The following EP400 variants were observed in gnomAD, a reference collection of about 807,000 sequenced individuals.
The protein encoded by EP400 is E1A-binding protein p400.
A neutral mutation model predicts 354.1 loss-of-function variants in EP400; 105 were observed. The observed-to-expected ratio is 0.30, with a 90% CI of 0.25 to 0.35. The LOEUF (loss-of-function observed/expected upper bound fraction) is 0.35, where lower values mean the gene tolerates loss of function less well. Ranked by LOEUF, EP400 falls within the 10% of genes least tolerant of loss-of-function variation. The pLI, the probability that EP400 is intolerant of heterozygous loss-of-function variation, is 1.00. For synonymous variants in EP400, 1,646 were observed against 1,716.9 expected, an observed-to-expected ratio of 0.96 and a Z score of 1.02; for missense variants, 3,280 against 4,121.0, an observed-to-expected ratio of 0.80 and a Z score of 5.59.
Position 132,028,208 on chromosome 12 carries a change from C to A in EP400, c.5301C>A (p.Tyr1767Ter), listed in dbSNP as rs1342073046. The A allele has an allele frequency of 1.2e-6, 2 of 1,614,074 alleles. No individual in the cohort carries two copies. Among genetic ancestry groups the A allele is most frequent in the African/African-American group, 1.3e-5 (1 of 74,916 alleles). Residue 1767 changes from tyrosine to a stop codon, truncating the protein, a stop_gained, in exon 27 of 53, where the codon TAC (tyrosine) becomes TAA (stop). Coordinates refer to ENST00000389561, the MANE Select transcript of EP400 (RefSeq NM_015409.5). LOFTEE classifies it high-confidence loss of function. The stretch of plus-strand genomic sequence containing the variant: ...AGGAGGCCGGGCCAGCGCACAGTTA[C>A]ACTTCATCCTCAGAAAGTCCAAGTG... The part of the protein sequence containing the change: ...RGKEAGPAHS[Y>*]TSSSESPSEL...
chr12:132,044,401 T>A, intron 35 of EP400, 90 bp downstream of exon 35: 4 of 1,493,522 alleles, frequency 2.7e-6, no homozygotes, highest in Non-Finnish European at 3.6e-6. Flanking sequence ...TCTGTGTACA[T>A]TGACATGAGA....
intron 2 of EP400, among the ~76,000 whole-genome samples, chr12:131,979,296 C>T (rs1376730632): frequency 6.6e-6 from 1 of 151,902 alleles, no homozygotes; most frequent in Non-Finnish European, 1.5e-5. Flanking sequence ...GGCAATTTCA[C>T]CTTTTTATTA....
chr12:132,038,038 C>T lies in EP400; in HGVS notation c.6149C>T (p.Ser2050Phe), dbSNP rs371591133. ...AAAGCTGAGGAGTTTGTGGTGCTTT[C>T]TCAGGAACCTTCTGTCACGGAAACC... is the stretch of plus-strand genomic sequence containing the variant. ...PVKAEEFVVL[S>F]QEPSVTETIA... Residue 2050 changes from serine to phenylalanine, a missense_variant, in exon 32 of 53, where the codon TCT becomes TTT. Around this residue, in one of 20 missense-constraint regions of EP400, gnomAD observed 60 missense variants for 109.9 expected, o/e 0.55. Coordinates refer to ENST00000389561, the MANE Select transcript of EP400 (RefSeq NM_015409.5). The surrounding 1 kb of genome is among the most constrained non-coding windows in gnomAD (Gnocchi z 4.2). 1.1e-5 allele frequency: 18 copies of T among 1,614,104 alleles called. No individual in the cohort carries two copies. The highest frequency in any genetic ancestry group is 1.5e-5 in the Non-Finnish European group (18 of 1,180,050).
intron 32 of EP400, among the ~76,000 whole-genome samples, chr12:132,039,071 A>G (rs1894809183): frequency 6.6e-6 from 1 of 151,968 alleles, no homozygotes; most frequent in Non-Finnish European, 1.5e-5. Context: ...CCGACACCCG[A>G]GATTGAGCCT....
Position 132,064,814 on chromosome 12 carries a change from G to C in EP400, c.8481G>C (p.Thr2827=). 1.2e-6 allele frequency: 2 copies of C among 1,612,566 alleles called. No individual in the cohort carries two copies. Among genetic ancestry groups the C allele is most frequent in the Middle Eastern group, 1.7e-4 (1 of 6,000 alleles). Residue 2827 remains threonine (T), a synonymous_variant, in exon 48 of 53, where the codon ACG becomes ACC. Transcript: ENST00000389561. ...CGCAGCAGCAGAGCCCCCAGCTCAC[G>C]ACGGTCACGGCCCCAAGGCCTGGTG... ...QPPQQQSPQL[T]TVTAPRPGAL...
chr12:132,028,600 T>C (rs553811068), intron 27 of EP400, among the ~76,000 whole-genome samples: 205 of 152,252 alleles, frequency 1.3e-3, no homozygotes, highest in African/African-American at 4.9e-3. Flanking sequence ...TTTGACTCTT[T>C]CAAAAAATGA....
chr12:132,015,898 G>A (rs1893912705), intron 19 of EP400, among the ~76,000 whole-genome samples: 1 of 152,004 alleles, frequency 6.6e-6, no homozygotes. Context: ...CCTCTTGCAG[G>A]GACCATGCCA....
chr12:131,952,723 A>G (rs1891555120), intron 1 of EP400, among the ~76,000 whole-genome samples: 1 of 152,160 alleles, frequency 6.6e-6, no homozygotes. Context: ...CCGTGTTGGA[A>G]TTACAGGTTT....
intron 30 of EP400, among the ~76,000 whole-genome samples, chr12:132,033,840 G>GT (rs1299287653): frequency 1.3e-5 from 2 of 152,166 alleles, no homozygotes; most frequent in African/African-American, 4.8e-5. Flanking sequence ...CCAACCATTT[G>GT]TTTTTTAACA....
chr12:131,968,908 C>T (rs1892194349), intron 2 of EP400, among the ~76,000 whole-genome samples: 1 of 152,150 alleles, frequency 6.6e-6, no homozygotes, highest in Non-Finnish European at 1.5e-5. Flanking sequence ...CATTCTGCAA[C>T]CTTGCTAAAC....
chr12:132,051,263 T>G (rs1372120942), intron 41 of EP400, among the ~76,000 whole-genome samples: 1 of 152,196 alleles, frequency 6.6e-6, no homozygotes, highest in East Asian at 1.9e-4. Context: ...TAGGCACTGT[T>G]GTCTGTAGGC....
In EP400 at chr12:132,028,143, A is replaced by G; in HGVS notation, c.5236A>G (p.Arg1746Gly). ...GATTTGTGCCCTGCCTAGCCATGGAAGGGTACAGTGGCGTGGGTCCCTGGA... is the reference window on the plus strand; with the variant it reads ...GATTTGTGCCCTGCCTAGCCATGGAGGGGTACAGTGGCGTGGGTCCCTGGA... ...LRICALPSHG[R>G]VQWRGSLDGR... The change falls in exon 27 of 53, where the codon AGG becomes GGG. Residue 1746 changes from arginine (R) to glycine (G), a missense_variant. By Grantham distance (125) the Arg-to-Gly change is moderately radical. Around this residue, in one of 20 missense-constraint regions of EP400, gnomAD observed 459 missense variants for 496.9 expected, o/e 0.92. Coordinates refer to ENST00000389561, the MANE Select transcript of EP400 (RefSeq NM_015409.5). The G allele has an allele frequency of 6.2e-7, 1 of 1,614,210 alleles. No homozygotes were observed. The highest frequency in any genetic ancestry group is 8.5e-7 in the Non-Finnish European group (1 of 1,180,038).
intron 30 of EP400, among the ~76,000 whole-genome samples, 182 bp from the exon 31 acceptor site, chr12:132,037,500 G>T (rs567551045): frequency 1.6e-4 from 25 of 152,294 alleles, no homozygotes; most frequent in African/African-American, 6.0e-4. Context: ...CTGGGAGGCG[G>T]GAGAGCTAAG....
chr12:132,021,824 A>G (rs1447018235), intron 23 of EP400, among the ~76,000 whole-genome samples: 1 of 152,248 alleles, frequency 6.6e-6, no homozygotes, highest in African/African-American at 2.4e-5. Context: ...GATAACTTGT[A>G]ATAATTTATG....
intron 1 of EP400, among the ~76,000 whole-genome samples, chr12:131,954,726 G>GAAAAAA (rs35935376): frequency 2.4e-5 from 2 of 83,726 alleles, no homozygotes; most frequent in Non-Finnish European, 4.3e-5. Flanking sequence ...CTCCATCTCA[G>GAAAAAA]AAAAAAAAAA....
chr12:132,006,834 A>C lies in EP400; in HGVS notation c.3261A>C (p.Thr1087=), dbSNP rs749982667. Residue 1087 remains threonine, a synonymous_variant, in exon 15 of 53, where the codon ACA becomes ACC. Transcript: ENST00000389561. ...ILADEAGLGK[T]VQIIAFFAHL... is the part of the protein sequence containing the mutation. ...CAGATGAAGCTGGGCTGGGTAAAAC[A>C]GTGCAGATCATTGCTTTTTTTGCCC... The C allele has an allele frequency of 3.7e-6, 6 of 1,613,576 alleles. No homozygotes were observed. In the Admixed American group the frequency reaches 1.0e-4, roughly 27 times the overall value.
At chr12:131,965,284 G>A (rs1002504644) in intron 2 of EP400, among the ~76,000 whole-genome samples, 2 of 152,028 alleles carry the variant, frequency 1.3e-5, no homozygotes, top group Non-Finnish European at 2.9e-5. Flanking sequence ...GTAATTTGGG[G>A]GAAGATACTT....
rs374041725 is a variant in EP400 at position 132,025,725 on chromosome 12, T to G, written c.4935T>G (p.Ser1645=). The G allele has an allele frequency of 7.4e-6, 12 of 1,613,042 alleles. No individual in the cohort carries two copies. Among genetic ancestry groups the G allele is most frequent in the African/African-American group, 2.7e-5 (2 of 74,912 alleles). ...APGPVVMQTV[S]QAGAVHGALG... is the part of the protein sequence containing the mutation. ...GCCCTGTGGTGATGCAGACCGTGTC[T>G]CAGGCGGGCGCTGTGCACGGCGCCC... The change falls in exon 25 of 53, where the codon TCT becomes TCG. Residue 1645 remains serine (S), a synonymous_variant. Coordinates refer to ENST00000389561, the MANE Select transcript of EP400 (RefSeq NM_015409.5). The surrounding 1 kb of genome is among the most constrained non-coding windows in gnomAD (Gnocchi z 4.1).
chr12:131,994,120 G>A lies in EP400; in HGVS notation c.2738-747G>A, dbSNP rs1282742430. On this transcript the variant is annotated intron_variant, in intron 11 of 52. Transcript: ENST00000389561. The surrounding 1 kb of genome is among the most constrained non-coding windows in gnomAD (Gnocchi z 4.6). ...GTACAGTCAGGAAAGGCAGCACCTG[G>A]AGGCCCAGCGACTTGTGTGGTTGGG... Among the ~76,000 whole-genome samples, 1 of 152,164 alleles carries A rather than the reference G, an allele frequency of 6.6e-6. No homozygotes were observed. Among genetic ancestry groups the A allele is most frequent in the Non-Finnish European group, 1.5e-5 (1 of 68,026 alleles).
Sources: gnomAD v4.1 joint callset for allele counts (sites outside exome capture counted in the v4.1 genomes callset) on GRCh38, gnomAD v4.1.1 for gene constraint, gnomAD v4.1.1 regional missense constraint, Gnocchi (gnomAD v3.1) non-coding constraint, MANE v1.5 for transcripts, NCBI Gene and HGNC (gene_info 2026-07-23, HGNC 2026-07-21) for gene names.